The following SRSF7 variants were observed in gnomAD, a reference collection of about 807,000 sequenced individuals.
The protein encoded by SRSF7 is serine and arginine rich splicing factor 7.
A neutral mutation model predicts 42.2 loss-of-function variants in SRSF7; 15 were observed. That is an observed-to-expected ratio of 0.36 (90% CI 0.24 to 0.55). The LOEUF (loss-of-function observed/expected upper bound fraction) is 0.55, where lower values mean the gene tolerates loss of function less well. SRSF7 is among the 20% of genes least tolerant of loss of function. The probability of loss-of-function intolerance (pLI) is 0.88; values close to 1 mark genes in which losing one functional copy is unlikely to be tolerated. For synonymous variants in SRSF7, 138 were observed against 107.9 expected (o/e 1.28, Z -1.73); for missense variants, 181 against 305.9 (o/e 0.59, Z 3.04).
intron 7 of SRSF7, among the ~76,000 whole-genome samples, chr2:38,745,694 T>C (rs1021774856): frequency 3.3e-5 from 5 of 152,104 alleles, no homozygotes; most frequent in Non-Finnish European, 4.4e-5. Context: ...CTTGTCAAAA[T>C]TGCAAGGTCA....
chr2:38,746,906 T>TTAC (rs766486795), intron 5 of SRSF7, 159 bp from the exon 6 acceptor site: 2 of 1,268,946 alleles, frequency 1.6e-6, no homozygotes, highest in Non-Finnish European at 2.2e-6. Context: ...AAACAAAGTG[T>TTAC]TACCAGACAT....
chr2:38,751,388 A>C (rs945192533), upstream of SRSF7: 1 of 1,228,476 alleles, frequency 8.1e-7, no homozygotes, highest in Non-Finnish European at 1.2e-6. Context: ...TCGCGTTTAT[A>C]TATGCGGCCG....
chr2:38,747,767 G>A (rs554235703), intron 5 of SRSF7, among the ~76,000 whole-genome samples: 3 of 152,164 alleles, frequency 2.0e-5, no homozygotes, highest in East Asian at 3.8e-4. Flanking sequence ...TCTGAAGCCA[G>A]AAAAGTTTAT....
At chr2:38,748,690 CAAT>C in intron 3 of SRSF7, 37 bp from the exon 4 acceptor site, 1 of 1,595,342 alleles carries the variant, frequency 6.3e-7, no homozygotes. Context: ...AAATGTCAGA[CAAT>C]AACTCGTTTT....
chr2:38,751,028 C>T (rs1317678076), intron 1 of SRSF7: 3 of 622,594 alleles, frequency 4.8e-6, no homozygotes, highest in Non-Finnish European at 8.6e-6. Flanking sequence ...CCCAAGAGTA[C>T]GGAACTCGGC....
intron 5 of SRSF7, 95 bp downstream of exon 5, chr2:38,747,952 C>A: frequency 1.2e-6 from 1 of 829,358 alleles, no homozygotes; most frequent in South Asian, 2.1e-5. Context: ...CTCAAATATT[C>A]CCTGAAGCAA....
intron 1 of SRSF7, 62 bp from the exon 2 acceptor site, chr2:38,750,256 C>T (rs1384039756): frequency 2.6e-5 from 39 of 1,501,626 alleles, no homozygotes; most frequent in Non-Finnish European, 3.3e-5. Context: ...GTTTCAATTA[C>T]TTATTTGCCT....
At chr2:38,751,028 C>G in intron 1 of SRSF7, 1 of 622,594 alleles carries the variant, frequency 1.6e-6, no homozygotes, top group Non-Finnish European at 2.9e-6. Context: ...CCCAAGAGTA[C>G]GGAACTCGGC....
At chr2:38,750,611 C>A (rs1668173012) in intron 1 of SRSF7, among the ~76,000 whole-genome samples, 1 of 151,956 alleles carries the variant, frequency 6.6e-6, no homozygotes, top group Admixed American at 6.6e-5. Flanking sequence ...GGCTCTCGTC[C>A]TCCGCGGCAA....
chr2:38,747,306 T>G (rs1473667643), intron 5 of SRSF7, among the ~76,000 whole-genome samples: 1 of 152,352 alleles, frequency 6.6e-6, no homozygotes, highest in East Asian at 1.9e-4. Flanking sequence ...TCTTTTAAAT[T>G]TATCTAAAGA....
At chr2:38,750,394 C>A (rs956297829) in intron 1 of SRSF7, among the ~76,000 whole-genome samples, 200 bp from the exon 2 acceptor site, 2 of 151,944 alleles carry the variant, frequency 1.3e-5, no homozygotes, top group Non-Finnish European at 2.9e-5. Flanking sequence ...AAATTCTTAA[C>A]GTTCTAAATA....
chr2:38,748,079 C>A lies in SRSF7; in HGVS notation c.540G>T (p.Arg180Ser). Residue 180 changes from arginine to serine, a missense_variant, in exon 5 of 8, where the codon AGG (arginine) becomes AGT (serine). Around this residue, in one of 2 missense-constraint regions of SRSF7, gnomAD observed 136 missense variants for 147.8 expected, o/e 0.92. Transcript: ENST00000313117. ...RSRSASLRRS[R>S]SGSIKGSRYF... is the part of the protein sequence containing the mutation. ...ACCTCGATCCTTTTATAGAACCAGA[C>A]CTAGATCTTCTGAGTGAAGCTGATC... The A allele has an allele frequency of 6.2e-7, 1 of 1,613,962 alleles. No homozygotes were observed. The highest frequency in any genetic ancestry group is 8.5e-7 in the Non-Finnish European group (1 of 1,179,862).
At chr2:38,747,235 A>G in intron 5 of SRSF7, 1 of 350,088 alleles carries the variant, frequency 2.9e-6, no homozygotes, top group East Asian at 7.6e-5. Flanking sequence ...TTATTCCTGG[A>G]TCAAGTTATG....
In SRSF7 at chr2:38,748,037, T is replaced by C. The variant is rs1667732333; in HGVS notation, c.572+10A>G. ...TCCAAACACAAGTAAGGAAAAAAAG[T>C]GTTACATACTGGAAATACCTCGATC... is the stretch of plus-strand genomic sequence containing the variant. On this transcript the variant is annotated intron_variant, in intron 5 of 7. Coordinates refer to ENST00000313117, the MANE Select transcript of SRSF7 (RefSeq NM_001031684.3). 6.3e-7 allele frequency: 1 copy of C among 1,597,574 alleles called. No individual in the cohort carries two copies. Among genetic ancestry groups the C allele is most frequent in the Non-Finnish European group, 8.6e-7 (1 of 1,165,938 alleles).
intron 5 of SRSF7, 62 bp from the exon 6 acceptor site, chr2:38,746,809 C>A: frequency 6.2e-7 from 1 of 1,603,292 alleles, no homozygotes; most frequent in Admixed American, 1.7e-5. Flanking sequence ...TCCTTAACTA[C>A]TCAACACTGT....
At chr2:38,749,737 T>G in intron 2 of SRSF7, 32 bp from the exon 3 acceptor site, 5 of 1,507,644 alleles carry the variant, frequency 3.3e-6, no homozygotes, top group Non-Finnish European at 4.4e-6. Context: ...AATTCTAAAG[T>G]TAAAAATATA....
Position 38,745,130 on chromosome 2 carries a change from G to A in SRSF7, c.*3C>T. ...TTTTCCCTAAAGGGTGAACTTGAGAGCTTCAGTCCATTCTTTCAGGACTTG... is the reference window on the plus strand; with the variant it reads ...TTTTCCCTAAAGGGTGAACTTGAGAACTTCAGTCCATTCTTTCAGGACTTG... On this transcript the variant is annotated 3_prime_UTR_variant, in exon 8 of 8. Transcript: ENST00000313117. 1 of 1,614,072 alleles carries A rather than the reference G, an allele frequency of 6.2e-7. No homozygotes were observed. Among genetic ancestry groups the A allele is most frequent in the South Asian group, 1.1e-5 (1 of 91,074 alleles).
At chr2:38,748,832 T>C in intron 3 of SRSF7, 179 bp from the exon 4 acceptor site, 5 of 1,316,688 alleles carry the variant, frequency 3.8e-6, no homozygotes, top group Non-Finnish European at 5.0e-6. Flanking sequence ...AAAAGATTTG[T>C]TAAAAGCTGA....
At chr2:38,751,180 T>G (rs190317617) in intron 1 of SRSF7, 49 bp downstream of exon 1, 3 of 1,612,606 alleles carry the variant, frequency 1.9e-6, no homozygotes, top group Admixed American at 1.7e-5. Flanking sequence ...GGCCTCGCAG[T>G]GCTCACTACA....
Sources: gnomAD v4.1 joint callset for allele counts (sites outside exome capture counted in the v4.1 genomes callset) on GRCh38, gnomAD v4.1.1 for gene constraint, gnomAD v4.1.1 regional missense constraint, MANE v1.5 for transcripts, NCBI Gene and HGNC (gene_info 2026-07-23, HGNC 2026-07-21) for gene names.